ALK: variants seen among roughly 807,000 people sequenced by gnomAD.
ALK encodes the protein ALK tyrosine kinase receptor.
A neutral mutation model predicts 163.1 loss-of-function variants in ALK; 74 were observed. The ratio of observed to expected loss-of-function variants is 0.45; its 90% confidence interval spans 0.38 to 0.55. The LOEUF (loss-of-function observed/expected upper bound fraction) is 0.55, where lower values mean the gene tolerates loss of function less well. Among genes scored for constraint, ALK ranks in the 20% least tolerant of loss-of-function variants. ALK has a pLI of 0.00. For missense variants in ALK, 2,063 were observed against 2,105.3 expected (o/e 0.98, Z 0.39); for synonymous variants, 960 against 843.2 (o/e 1.14, Z -2.40).
chr2:29,294,409 C>A (rs1166021996), intron 9 of ALK, among the ~76,000 whole-genome samples: 1 of 152,126 alleles, frequency 6.6e-6, no homozygotes, highest in East Asian at 1.9e-4. Flanking sequence ...CATCCCAGAC[C>A]CTTCTGAGCC....
chr2:29,797,409 C>T (rs113587352), intron 1 of ALK, among the ~76,000 whole-genome samples: 2,408 of 152,282 alleles, frequency 0.016, 67 homozygotes, highest in African/African-American at 0.053. Flanking sequence ...TGCCCCTGCA[C>T]CCCAGTTATA....
intron 13 of ALK, among the ~76,000 whole-genome samples, chr2:29,239,220 T>C (rs1310987587): frequency 1.3e-5 from 2 of 152,172 alleles, no homozygotes; most frequent in East Asian, 1.9e-4. Context: ...GCCTGGCTCT[T>C]AGGAGCCCTG....
At chr2:29,450,611 AT>A (rs1300977010) in intron 4 of ALK, among the ~76,000 whole-genome samples, 2 of 152,246 alleles carry the variant, frequency 1.3e-5, no homozygotes, top group Non-Finnish European at 2.9e-5. Context: ...CTTTAAGCCT[AT>A]TTTAAGTGGA....
chr2:29,474,610 G>C (rs983826246), intron 4 of ALK, among the ~76,000 whole-genome samples: 2 of 152,172 alleles, frequency 1.3e-5, no homozygotes, highest in African/African-American at 4.8e-5. Context: ...ATCACATGTA[G>C]ATTTCCAGTT....
At chr2:29,693,851 AT>A (rs1400125118) in intron 3 of ALK, among the ~76,000 whole-genome samples, 1 of 152,096 alleles carries the variant, frequency 6.6e-6, no homozygotes, top group Non-Finnish European at 1.5e-5. Context: ...CCACATGTAC[AT>A]TCTGTGTGAT....
chr2:29,392,670 A>G (rs1262981017), intron 4 of ALK, among the ~76,000 whole-genome samples: 1 of 152,220 alleles, frequency 6.6e-6, no homozygotes, highest in Non-Finnish European at 1.5e-5. Flanking sequence ...CTACCTCTAC[A>G]GACTTAGCCT....
intron 3 of ALK, among the ~76,000 whole-genome samples, chr2:29,533,767 C>A (rs1673179375): frequency 6.6e-6 from 1 of 152,216 alleles, no homozygotes; most frequent in African/African-American, 2.4e-5. Context: ...CTTCAAGGAA[C>A]TCCAGGTCTG....
At chr2:29,797,132 A>C (rs1248185401) in intron 1 of ALK, among the ~76,000 whole-genome samples, 1 of 152,094 alleles carries the variant, frequency 6.6e-6, no homozygotes, top group Non-Finnish European at 1.5e-5. Context: ...CTATCCTAGC[A>C]ACCTTTCTTT....
intron 1 of ALK, among the ~76,000 whole-genome samples, chr2:29,771,534 CT>C (rs1032302276): frequency 9.4e-5 from 14 of 148,950 alleles, no homozygotes; most frequent in East Asian, 2.0e-4. Context: ...GAATTCTTCT[CT>C]TTTTTTTTTG....
intron 1 of ALK, among the ~76,000 whole-genome samples, chr2:29,822,120 A>G (rs1665064607): frequency 6.6e-6 from 1 of 152,160 alleles, no homozygotes; most frequent in African/African-American, 2.4e-5. Context: ...TTTCTCCAAT[A>G]ATCCAGTAAA....
intron 26 of ALK, among the ~76,000 whole-genome samples, chr2:29,201,496 T>C (rs149144507): frequency 4.0e-4 from 61 of 152,158 alleles, no homozygotes; most frequent in Non-Finnish European, 7.2e-4. Context: ...ACATTCAAGA[T>C]AGATCTTGAG....
intron 1 of ALK, among the ~76,000 whole-genome samples, chr2:29,779,549 G>A (rs924796264): frequency 6.6e-6 from 1 of 152,290 alleles, no homozygotes; most frequent in Admixed American, 6.5e-5. Context: ...CCTGAATAGA[G>A]TCTGCATCAT....
intron 3 of ALK, among the ~76,000 whole-genome samples, chr2:29,550,115 G>A (rs1673676556): frequency 2.0e-5 from 3 of 152,070 alleles, no homozygotes; most frequent in South Asian, 2.1e-4. Flanking sequence ...AGTGTATGAC[G>A]ATAATAATAA....
intron 12 of ALK, among the ~76,000 whole-genome samples, chr2:29,241,626 G>T (rs1402051100): frequency 1.3e-5 from 2 of 151,924 alleles, no homozygotes; most frequent in East Asian, 3.9e-4. Flanking sequence ...TGTGTGAACG[G>T]AAGTGAAGAA....
At chr2:29,813,281 C>T (rs1005867522) in intron 1 of ALK, among the ~76,000 whole-genome samples, 1 of 152,094 alleles carries the variant, frequency 6.6e-6, no homozygotes, top group East Asian at 1.9e-4. Context: ...ATGTCTTTTC[C>T]AGGTGTCCTC....
intron 1 of ALK, among the ~76,000 whole-genome samples, chr2:29,759,566 A>G (rs535052425): frequency 1.3e-5 from 2 of 152,328 alleles, no homozygotes; most frequent in African/African-American, 2.4e-5. Flanking sequence ...GAAATTTCCA[A>G]TGTCTGGCTT....
chr2:29,299,402 T>C (rs12479313), intron 8 of ALK, among the ~76,000 whole-genome samples: 118,627 of 152,120 alleles, frequency 0.78, 47,670 homozygotes, highest in Non-Finnish European at 0.86. Flanking sequence ...TGTTAAGCAC[T>C]TATGCTGGGT....
In ALK at chr2:29,589,530, A is replaced by C. The variant is rs150199241; in HGVS notation, c.953-57414T>G. On this transcript the variant is annotated intron_variant, in intron 3 of 28. Transcript: ENST00000389048. ...AGTTTGTACAGCTTATGAACAGCAG[A>C]GCTAGAACCATAAGGCAGGTCTTTT... Among the ~76,000 whole-genome samples the C allele has an allele frequency of 2.3e-3, 350 of 152,334 alleles. 2 individuals are homozygous for C. Among genetic ancestry groups the C allele is most frequent in the African/African-American group, 8.2e-3 (340 of 41,568 alleles).
At position 29,565,128 on chromosome 2, in the gene ALK, G is replaced by A. The variant is rs540151909; in HGVS notation, c.953-33012C>T. 3.1e-4 allele frequency among the ~76,000 whole-genome samples: 47 copies of A among 152,374 alleles called. No individual in the cohort carries two copies. In the South Asian group the frequency reaches 9.5e-3, roughly 31 times the overall value. On this transcript the variant is annotated intron_variant, in intron 3 of 28. Transcript: ENST00000389048. ...ACTCTAGGTGACAACGTGATATGGT[G>A]CCCTTTGGGGTCATGAAGTGACATT...
Sources: allele counts gnomAD v4.1 joint callset (sites outside exome capture counted in the v4.1 genomes callset), GRCh38; gene constraint gnomAD v4.1.1; transcripts MANE v1.5; gene names NCBI Gene and HGNC (gene_info 2026-07-23, HGNC 2026-07-21).